EIF3H: variants seen among roughly 807,000 people sequenced by gnomAD.
EIF3H encodes the protein eukaryotic translation initiation factor 3 subunit H, also known as eIF-3-gamma.
EIF3H carries 26 observed loss-of-function variants against 44.2 expected under a neutral mutation model. The ratio of observed to expected loss-of-function variants is 0.59; its 90% confidence interval spans 0.43 to 0.82. The LOEUF (loss-of-function observed/expected upper bound fraction) is 0.82. Ranked by LOEUF, EIF3H falls within the 40% of genes least tolerant of loss-of-function variation. The pLI, the probability that EIF3H is intolerant of heterozygous loss-of-function variation, is 0.00. For synonymous variants in EIF3H, 166 were observed against 151.9 expected (o/e 1.09, Z -0.68); for missense variants, 359 against 432.8 (o/e 0.83, Z 1.51).
At chr8:116,698,774 T>G (rs1321489933) in intron 2 of EIF3H, among the ~76,000 whole-genome samples, 3 of 152,192 alleles carry the variant, frequency 2.0e-5, no homozygotes, top group Admixed American at 2.0e-4. Context: ...TTGTTTAAGA[T>G]GATTTTTTTT....
rs147466166 is a variant in EIF3H, at chr8:116,749,407, C to T, written c.132+6259G>A. Among the ~76,000 whole-genome samples the T allele has an allele frequency of 6.1e-3, 927 of 152,284 alleles. 7 individuals are homozygous for T. Among genetic ancestry groups the T allele is most frequent in the African/African-American group, 0.021 (853 of 41,562 alleles). On this transcript the variant is annotated intron_variant, in intron 1 of 7. Transcript: ENST00000521861. ...GAGAGGGGCCTGAGATTCTGTGATA[C>T]GTATGTCTGCATTTCTAACAAACTC...
chr8:116,648,381 T>TCTATTATTTC (rs1333303028), intron 6 of EIF3H, among the ~76,000 whole-genome samples: 1 of 152,228 alleles, frequency 6.6e-6, no homozygotes, highest in Non-Finnish European at 1.5e-5. Flanking sequence ...CAGCAGTTGG[T>TCTATTATTTC]CTATTATTTC....
chr8:116,714,716 AAAAG>A (rs1248120442), intron 2 of EIF3H, among the ~76,000 whole-genome samples: 5 of 151,946 alleles, frequency 3.3e-5, no homozygotes, highest in African/African-American at 9.7e-5. Context: ...AAAATGCAAC[AAAAG>A]AAAGAGAGTT....
chr8:116,760,502 C>G (rs1008258236), upstream of EIF3H, among the ~76,000 whole-genome samples: 9 of 152,240 alleles, frequency 5.9e-5, 1 homozygote, highest in East Asian at 1.2e-3. Context: ...TGGTCATTTT[C>G]TGTATGTTTG....
At position 116,646,577 on chromosome 8, in the gene EIF3H, A is replaced by G. The variant is rs1448126746; in HGVS notation, c.855T>C (p.Asn285=). Residue 285 remains asparagine, a synonymous_variant, in exon 7 of 8, where the codon AAT becomes AAC. Transcript: ENST00000521861. ...HQYQQRRQQE[N]MQRQSRGEPP... ...GTTCTCCTCGGCTCTGGCGCTGCAT[A>G]TTCTCCTGCTGGCGACGCTGCTGAT... 6.8e-6 allele frequency: 11 copies of G among 1,613,914 alleles called. No individual in the cohort carries two copies. The highest frequency in any genetic ancestry group is 8.5e-6 in the Non-Finnish European group (10 of 1,179,994).
chr8:116,679,312 G>T (rs1813921993), intron 2 of EIF3H, among the ~76,000 whole-genome samples: 1 of 62,878 alleles, frequency 1.6e-5, no homozygotes, highest in African/African-American at 3.9e-5. Context: ...TCAGCCCCCC[G>T]CCCGGCCAGC....
chr8:116,659,037 A>T, intron 2 of EIF3H, 57 bp from the exon 3 acceptor site: 1 of 1,469,200 alleles, frequency 6.8e-7, no homozygotes, highest in Non-Finnish European at 9.1e-7. Flanking sequence ...TGTTACCAAC[A>T]TCAAAAACAA....
At chr8:116,694,358 G>A (rs1457463467) in intron 2 of EIF3H, among the ~76,000 whole-genome samples, 3 of 152,096 alleles carry the variant, frequency 2.0e-5, no homozygotes, top group African/African-American at 4.8e-5. Context: ...TATGAATAAG[G>A]TTGGGCATCA....
At chr8:116,759,550 A>G (rs77059234), upstream of EIF3H, among the ~76,000 whole-genome samples, 7,459 of 152,250 alleles carry the variant, frequency 0.049, 319 homozygotes, top group Admixed American at 0.15. Context: ...CAATGCAGTA[A>G]AATGAGTCAG....
intron 7 of EIF3H, among the ~76,000 whole-genome samples, chr8:116,646,027 A>G (rs1323191529): frequency 6.6e-6 from 1 of 152,212 alleles, no homozygotes; most frequent in African/African-American, 2.4e-5. Flanking sequence ...ATAACCAGAA[A>G]AAGTTTATCC....
chr8:116,649,942 GAGATGGGCAAGAATT>G (rs1813361879), intron 5 of EIF3H, among the ~76,000 whole-genome samples: 1 of 152,220 alleles, frequency 6.6e-6, no homozygotes, highest in South Asian at 2.1e-4. Flanking sequence ...CTGAATGCCT[GAGATGGGCAAGAATT>G]AGGCAGATTT....
At chr8:116,762,156 G>T (rs536710765) in intron 1 of EIF3H, among the ~76,000 whole-genome samples, 2 of 152,290 alleles carry the variant, frequency 1.3e-5, no homozygotes, top group African/African-American at 4.8e-5. Flanking sequence ...TAACATCAAG[G>T]TCTCATCAAA....
At chr8:116,727,580 A>G (rs1283086360) in intron 1 of EIF3H, among the ~76,000 whole-genome samples, 1 of 152,240 alleles carries the variant, frequency 6.6e-6, no homozygotes, top group Non-Finnish European at 1.5e-5. Context: ...TGTGTGAGAT[A>G]CTGAATTATG....
At chr8:116,726,519 G>A (rs1024784812) in intron 1 of EIF3H, among the ~76,000 whole-genome samples, 2 of 152,176 alleles carry the variant, frequency 1.3e-5, no homozygotes, top group Non-Finnish European at 2.9e-5. Flanking sequence ...TTGAGAAAGT[G>A]ATCCTGTTAA....
intron 2 of EIF3H, among the ~76,000 whole-genome samples, chr8:116,672,179 T>C (rs772472501): frequency 6.6e-5 from 10 of 152,258 alleles, no homozygotes; most frequent in Non-Finnish European, 1.2e-4. Context: ...TAAAATTCCA[T>C]GTATTTCTTT....
chr8:116,695,867 T>C (rs559990178), intron 2 of EIF3H, among the ~76,000 whole-genome samples: 18 of 152,268 alleles, frequency 1.2e-4, no homozygotes, highest in African/African-American at 4.3e-4. Context: ...AACAAGTGTT[T>C]CACTATCAGA....
intron 2 of EIF3H, among the ~76,000 whole-genome samples, chr8:116,679,110 AGGG>A (rs1813913364): frequency 2.0e-5 from 1 of 49,656 alleles, no homozygotes; most frequent in Non-Finnish European, 5.5e-5. Context: ...CCCGTCCGGG[AGGG>A]GGGAGGGGGG....
chr8:116,734,869 T>C (rs1815007795), intron 1 of EIF3H, among the ~76,000 whole-genome samples: 1 of 152,190 alleles, frequency 6.6e-6, no homozygotes, highest in Non-Finnish European at 1.5e-5. Context: ...CAGGAACAGT[T>C]ATATCTTAAA....
In EIF3H at chr8:116,710,009, G is replaced by GT. The variant is rs370040390; in HGVS notation, c.289+16006dup. ...ACAAAGGAGTCACTAACTGCTCAGTGTTTCATGAGTGGCACCCAGCGTTCA... is the reference window on the plus strand; with the variant it reads ...ACAAAGGAGTCACTAACTGCTCAGTGTTTTCATGAGTGGCACCCAGCGTTCA... On this transcript the variant is annotated intron_variant, in intron 2 of 7. Coordinates refer to ENST00000521861, the MANE Select transcript of EIF3H (RefSeq NM_003756.3). Among the ~76,000 whole-genome samples the GT allele has an allele frequency of 1.3e-3, 196 of 152,290 alleles. 1 individual carries two copies. The highest frequency in any genetic ancestry group is 4.5e-3 in the African/African-American group (188 of 41,558).
Sources: allele counts gnomAD v4.1 joint callset (sites outside exome capture counted in the v4.1 genomes callset), GRCh38; gene constraint gnomAD v4.1.1; transcripts MANE v1.5; gene names NCBI Gene and HGNC (gene_info 2026-07-23, HGNC 2026-07-21).